Variants in NPFFR2 observed in about 807,000 individuals in gnomAD.
The protein encoded by NPFFR2 is G-protein coupled receptor 74.
A neutral mutation model predicts 13.1 loss-of-function variants in NPFFR2; 15 were observed. The ratio of observed to expected loss-of-function variants is 1.15; its 90% CI spans 0.77 to 1.76. NPFFR2 has a LOEUF of 1.76. NPFFR2 is among the 40% of genes most tolerant of loss of function. The probability of loss-of-function intolerance (pLI) is 0.00; values close to 1 mark genes in which losing one functional copy is unlikely to be tolerated. For missense variants in NPFFR2, 572 were observed against 503.5 expected, an observed-to-expected ratio of 1.14 and a Z score of -1.30; for synonymous variants, 190 against 175.7, an observed-to-expected ratio of 1.08 and a Z score of -0.65.
At chr4:72,091,930 T>C (rs765488444) in intron 1 of NPFFR2, among the ~76,000 whole-genome samples, 31 of 152,096 alleles carry the variant, frequency 2.0e-4, no homozygotes, top group Non-Finnish European at 3.5e-4. Flanking sequence ...TGACCTTAGA[T>C]TGTCTATTTG....
At chr4:72,129,265 G>C (rs889816969) in intron 2 of NPFFR2, among the ~76,000 whole-genome samples, 3 of 151,550 alleles carry the variant, frequency 2.0e-5, no homozygotes, top group Admixed American at 6.6e-5. Context: ...GGTGTTTCTC[G>C]TAAGGTGGGA....
chr4:72,087,174 G>A (rs1720795365), intron 1 of NPFFR2, among the ~76,000 whole-genome samples: 2 of 151,996 alleles, frequency 1.3e-5, no homozygotes, highest in South Asian at 2.1e-4. Context: ...ATGCCAGCTC[G>A]TAGGAGTTCG....
At chr4:72,071,617 C>T (rs966187406) in intron 1 of NPFFR2, among the ~76,000 whole-genome samples, 11 of 152,046 alleles carry the variant, frequency 7.2e-5, no homozygotes, top group African/African-American at 2.7e-4. Flanking sequence ...CCATCCATCC[C>T]CTACCTCTCA....
At chr4:72,107,480 C>T (rs766092555) in intron 1 of NPFFR2, among the ~76,000 whole-genome samples, 3 of 151,722 alleles carry the variant, frequency 2.0e-5, no homozygotes, top group Non-Finnish European at 4.4e-5. Context: ...GGTCAGGTTA[C>T]TTAGCATCTT....
chr4:72,140,444 GA>G (rs959154581), intron 3 of NPFFR2, among the ~76,000 whole-genome samples: 10 of 152,096 alleles, frequency 6.6e-5, no homozygotes, highest in African/African-American at 2.4e-4. Context: ...TCAATACCTA[GA>G]TTATTGAGAG....
intron 1 of NPFFR2, among the ~76,000 whole-genome samples, chr4:72,058,156 G>A (rs531521344): frequency 1.3e-5 from 2 of 151,932 alleles, no homozygotes; most frequent in Admixed American, 6.6e-5. Flanking sequence ...TTTGATTATC[G>A]TGTTGTGTAG....
chr4:72,032,235 G>A (rs1481548861), intron 1 of NPFFR2, 35 bp downstream of exon 1: 4 of 1,551,974 alleles, frequency 2.6e-6, no homozygotes, highest in Non-Finnish European at 3.5e-6. Flanking sequence ...GGGGGCCCCC[G>A]CTTGGGGGCG....
intron 1 of NPFFR2, among the ~76,000 whole-genome samples, chr4:72,052,821 A>T (rs1216963345): frequency 1.3e-5 from 2 of 151,976 alleles, no homozygotes; most frequent in Non-Finnish European, 2.9e-5. Context: ...CATCTTCATG[A>T]TAAAAATCTT....
chr4:72,128,930 T>C lies in NPFFR2; in HGVS notation c.328+11T>C, dbSNP rs779902004. On this transcript the variant is annotated intron_variant, in intron 2 of 3. Transcript: ENST00000308744. ...ACAATATTATAGCAGGTATGTTGGC[T>C]TTTGTGCAGTTTGAAGATAATATGA... 1 of 1,575,270 alleles carries C rather than the reference T, an allele frequency of 6.3e-7. No individual in the cohort carries two copies. The highest frequency in any genetic ancestry group is 2.3e-5 in the East Asian group (1 of 44,396).
chr4:72,127,104 C>T lies in NPFFR2; in HGVS notation c.-7-1481C>T, dbSNP rs1487376033. Among the ~76,000 whole-genome samples the T allele has an allele frequency of 6.6e-5, 10 of 151,492 alleles. No homozygotes were observed. The East Asian group carries it at 1.8e-3, about 27-fold the overall frequency. ...GATCACGAGGTCAGGAGATCCAGACCATCCTGGTTAACACAGTGAAACCCC... is the reference window on the plus strand; with the variant it reads ...GATCACGAGGTCAGGAGATCCAGACTATCCTGGTTAACACAGTGAAACCCC... On this transcript the variant is annotated intron_variant, in intron 1 of 3. Coordinates refer to ENST00000308744, the MANE Select transcript of NPFFR2 (RefSeq NM_004885.3).
intron 2 of NPFFR2, among the ~76,000 whole-genome samples, chr4:72,135,808 G>A (rs941608408): frequency 1.4e-5 from 2 of 139,304 alleles, no homozygotes; most frequent in South Asian, 2.4e-4. Context: ...TTTAAAAATT[G>A]TTTTAATTTG....
chr4:72,084,072 A>G (rs1018806159), intron 1 of NPFFR2, among the ~76,000 whole-genome samples: 2 of 152,134 alleles, frequency 1.3e-5, no homozygotes, highest in Non-Finnish European at 2.9e-5. Context: ...CATGTAAACT[A>G]CTAGAATCAC....
At chr4:72,035,821 T>A (rs1484075962) in intron 1 of NPFFR2, among the ~76,000 whole-genome samples, 1 of 152,206 alleles carries the variant, frequency 6.6e-6, no homozygotes, top group Non-Finnish European at 1.5e-5. Flanking sequence ...TTACTTTTTT[T>A]CTTCTTGGGC....
intron 1 of NPFFR2, among the ~76,000 whole-genome samples, chr4:72,104,152 G>A (rs918279229): frequency 3.9e-5 from 6 of 152,018 alleles, no homozygotes; most frequent in African/African-American, 1.4e-4. Flanking sequence ...TGATCCCTCA[G>A]CCATATTTAG....
At chr4:72,045,608 T>A (rs1020053542) in intron 1 of NPFFR2, among the ~76,000 whole-genome samples, 8 of 152,208 alleles carry the variant, frequency 5.3e-5, no homozygotes, top group Non-Finnish European at 1.5e-5. Flanking sequence ...CTTCTGAACA[T>A]CGTAGCTTAG....
At chr4:72,072,743 C>CT (rs1720297186) in intron 1 of NPFFR2, among the ~76,000 whole-genome samples, 1 of 151,978 alleles carries the variant, frequency 6.6e-6, no homozygotes, top group African/African-American at 2.4e-5. Context: ...GTAGAATAAA[C>CT]TCAAAGATAC....
At chr4:72,058,152 T>A (rs1445824515) in intron 1 of NPFFR2, among the ~76,000 whole-genome samples, 1 of 152,000 alleles carries the variant, frequency 6.6e-6, no homozygotes. Flanking sequence ...TGATTTTGAT[T>A]ATCGTGTTGT....
Position 72,040,927 on chromosome 4 carries a change from A to AATATATATATATAT in NPFFR2, c.-8+8730_-8+8743dup, listed in dbSNP as rs61548490. Among the ~76,000 whole-genome samples, 7 of 146,802 alleles carry AATATATATATATAT rather than the reference A, an allele frequency of 4.8e-5. No individual in the cohort carries two copies. In the East Asian group the frequency reaches 5.9e-4, roughly 12 times the overall value. On this transcript the variant is annotated intron_variant, in intron 1 of 3. Coordinates refer to ENST00000308744, the MANE Select transcript of NPFFR2 (RefSeq NM_004885.3). Reference sequence around the variant, plus strand: ...TGCTACATTTTAGTCACTGCTGTAAAATATATATATATATATTCATTTTAA... The same window carrying AATATATATATATAT: ...TGCTACATTTTAGTCACTGCTGTAAAATATATATATATATATATATATATATATATTCATTTTAA...
chr4:72,076,007 AGAGAGAGAGAG>A, intron 1 of NPFFR2, among the ~76,000 whole-genome samples: 1 of 7,000 alleles, frequency 1.4e-4, no homozygotes, highest in South Asian at 3.6e-3. Context: ...ACACACACAC[AGAGAGAGAGAG>A]AGGGCAGACA....
Sources: allele counts gnomAD v4.1 joint callset (sites outside exome capture counted in the v4.1 genomes callset), GRCh38; gene constraint gnomAD v4.1.1; transcripts MANE v1.5; gene names NCBI Gene and HGNC (gene_info 2026-07-23, HGNC 2026-07-21).